The following ZNF577 variants were observed in gnomAD, a reference collection of about 807,000 sequenced individuals.
ZNF577 encodes the protein zinc finger protein 577.
ZNF577 carries 14 observed loss-of-function variants against 13.9 expected under a neutral mutation model. The ratio of observed to expected loss-of-function variants is 1.00; its 90% CI spans 0.66 to 1.57. The LOEUF is 1.57. Ranked by LOEUF, ZNF577 falls within the 40% of genes most tolerant of loss-of-function variation. The probability of loss-of-function intolerance (pLI) is 0.00; values close to 1 mark genes in which losing one functional copy is unlikely to be tolerated. For synonymous variants in ZNF577, 203 were observed against 202.9 expected (o/e 1.00, Z 0.00); for missense variants, 555 against 579.2 (o/e 0.96, Z 0.43).
intron 9 of ZNF577, among the ~76,000 whole-genome samples, chr19:51,831,050 GAA>G (rs1271315084): frequency 6.6e-6 from 1 of 152,034 alleles, no homozygotes; most frequent in East Asian, 1.9e-4. Flanking sequence ...CCAAATTTAG[GAA>G]AAGTCATCAC....
chr19:51,836,270 T>A (rs2084286721), intron 9 of ZNF577, among the ~76,000 whole-genome samples: 1 of 152,208 alleles, frequency 6.6e-6, no homozygotes, highest in African/African-American at 2.4e-5. Context: ...CTGACTAGTA[T>A]AATAAGGTTT....
chr19:51,861,666 T>C (rs1011824305), intron 5 of ZNF577: 3 of 152,268 alleles, frequency 2.0e-5, no homozygotes, highest in African/African-American at 7.2e-5. Context: ...GGGTTTCTGA[T>C]GATTAGTAAT....
At chr19:51,879,807 T>C (rs1190752865) in intron 3 of ZNF577, among the ~76,000 whole-genome samples, 1 of 152,180 alleles carries the variant, frequency 6.6e-6, no homozygotes. Flanking sequence ...TGCTTGAATC[T>C]CTTGCGTGCA....
chr19:51,878,350 TAAGA>T (rs749464777), intron 4 of ZNF577, 35 bp downstream of exon 4: 6 of 1,607,320 alleles, frequency 3.7e-6, no homozygotes, highest in East Asian at 2.2e-5. Flanking sequence ...GGTCACCAAA[TAAGA>T]AAGAAAAGGT....
intron 5 of ZNF577, chr19:51,856,018 C>T (rs2084414495): frequency 6.6e-6 from 1 of 152,258 alleles, no homozygotes; most frequent in African/African-American, 2.4e-5. Flanking sequence ...ACATACCCCA[C>T]TATTTTTAAT....
At chr19:51,834,087 C>G (rs1367313384) in intron 9 of ZNF577, among the ~76,000 whole-genome samples, 1 of 151,674 alleles carries the variant, frequency 6.6e-6, no homozygotes, top group African/African-American at 2.4e-5. Flanking sequence ...ACTTATGTAG[C>G]TACAAAAATA....
At chr19:51,806,850 G>T (rs904953006) in intron 10 of ZNF577, among the ~76,000 whole-genome samples, 1 of 152,234 alleles carries the variant, frequency 6.6e-6, no homozygotes, top group African/African-American at 2.4e-5. Context: ...AACTGTAGCA[G>T]TTTCTATGCG....
chr19:51,849,635 C>A (rs775026438), intron 5 of ZNF577, among the ~76,000 whole-genome samples: 17 of 152,130 alleles, frequency 1.1e-4, no homozygotes, highest in Non-Finnish European at 1.6e-4. Context: ...TATAGCAGTA[C>A]AAATAAAGAC....
At chr19:51,863,088 T>C (rs1015177574), downstream of ZNF577, 5 of 152,190 alleles carry the variant, frequency 3.3e-5, no homozygotes, top group Admixed American at 1.3e-4. Context: ...GTCTCACTCC[T>C]GTTTGAGTTT....
rs552198733 is a variant in ZNF577 at position 51,874,989 on chromosome 19, T to A, written c.284-1283A>T. 3.3e-5 allele frequency among the ~76,000 whole-genome samples: 5 copies of A among 152,202 alleles called. No homozygotes were observed. The South Asian group carries it at 1.0e-3, about 32-fold the overall frequency. ...TAATAAAATGAGGGTAAAAGAAGCC[T>A]CATACCAACCAGTAAAACACACACA... On this transcript the variant is annotated intron_variant, in intron 5 of 5. Transcript: ENST00000638348.
intron 10 of ZNF577, among the ~76,000 whole-genome samples, chr19:51,805,798 T>C (rs1280363261): frequency 4.9e-4 from 74 of 152,164 alleles, no homozygotes; most frequent in Admixed American, 4.6e-3. Context: ...AAGGAAACGA[T>C]AGCAAAAATT....
chr19:51,833,885 C>T (rs1008411139), intron 9 of ZNF577, among the ~76,000 whole-genome samples: 6 of 152,246 alleles, frequency 3.9e-5, no homozygotes, highest in Admixed American at 1.3e-4. Flanking sequence ...TTTTAGTTCA[C>T]ATCGTAATTG....
chr19:51,884,976 T>C (rs8102738), intron 1 of ZNF577, among the ~76,000 whole-genome samples: 14,657 of 152,302 alleles, frequency 0.096, 774 homozygotes, highest in East Asian at 0.22. Context: ...AATTCCACTA[T>C]AGTTAGAGAA....
At chr19:51,863,987 A>G (rs2084532173), downstream of ZNF577, among the ~76,000 whole-genome samples, 1 of 152,230 alleles carries the variant, frequency 6.6e-6, no homozygotes, top group Non-Finnish European at 1.5e-5. Flanking sequence ...AGGATCCTGA[A>G]AAGAATTTGG....
chr19:51,833,988 A>C (rs1452737930), intron 9 of ZNF577, among the ~76,000 whole-genome samples: 2 of 152,240 alleles, frequency 1.3e-5, no homozygotes, highest in African/African-American at 4.8e-5. Flanking sequence ...CATCACCTAA[A>C]ACATTTATCA....
At chr19:51,882,739 C>T (rs58224590) in intron 1 of ZNF577, among the ~76,000 whole-genome samples, 2,914 of 151,968 alleles carry the variant, frequency 0.019, 90 homozygotes, top group African/African-American at 0.066. Context: ...AGTTTATGAC[C>T]GCATCACTGC....
chr19:51,849,920 G>T (rs527288750), intron 5 of ZNF577, among the ~76,000 whole-genome samples: 1 of 152,300 alleles, frequency 6.6e-6, no homozygotes, highest in Admixed American at 6.5e-5. Flanking sequence ...CAACATGAAT[G>T]AAGTTCCATT....
At chr19:51,820,858 A>G (rs2084182988) in intron 9 of ZNF577, among the ~76,000 whole-genome samples, 1 of 152,186 alleles carries the variant, frequency 6.6e-6, no homozygotes, top group South Asian at 2.1e-4. Flanking sequence ...GTCAATATTC[A>G]CCGTGTCTCA....
At position 51,879,496 on chromosome 19, in the gene ZNF577, G is replaced by C. The variant is rs186732388; in HGVS notation, c.60+827C>G. ...AGGCAGGAGAATTGCTTGAGCCCAG[G>C]AGGCAGAGGTTGCAGTGAGCCAAGA... On this transcript the variant is annotated intron_variant, in intron 3 of 5. Transcript: ENST00000638348. Among the ~76,000 whole-genome samples, 32 of 152,194 alleles carry C rather than the reference G, an allele frequency of 2.1e-4. No individual in the cohort carries two copies. The East Asian group carries it at 5.8e-3, about 28-fold the overall frequency.
Sources: allele counts gnomAD v4.1 joint callset (sites outside exome capture counted in the v4.1 genomes callset), GRCh38; gene constraint gnomAD v4.1.1; transcripts MANE v1.5; gene names NCBI Gene and HGNC (gene_info 2026-07-23, HGNC 2026-07-21).